The following MYO1D variants were observed in gnomAD, a reference collection of about 807,000 sequenced individuals.
MYO1D encodes the protein myosin ID, also known as unconventional myosin-Id.
MYO1D carries 83 observed loss-of-function variants against 122.0 expected under a neutral mutation model. That is an observed-to-expected ratio of 0.68 (90% CI 0.57 to 0.82). The LOEUF is 0.82. Among genes scored for constraint, MYO1D ranks in the 40% least tolerant of loss-of-function variants. The probability of loss-of-function intolerance (pLI) is 0.00; values close to 1 mark genes in which losing one functional copy is unlikely to be tolerated. For missense variants in MYO1D, 1,157 were observed against 1,269.5 expected (o/e 0.91, Z 1.35); for synonymous variants, 464 against 446.9 (o/e 1.04, Z -0.48).
At chr17:32,617,726 C>A (rs1053959603) in intron 20 of MYO1D, among the ~76,000 whole-genome samples, 6 of 152,202 alleles carry the variant, frequency 3.9e-5, no homozygotes, top group Non-Finnish European at 7.3e-5. Context: ...CAGGCATGAG[C>A]CACTGCTCGC....
At chr17:32,754,973 C>T (rs2089932671) in intron 11 of MYO1D, among the ~76,000 whole-genome samples, 1 of 152,158 alleles carries the variant, frequency 6.6e-6, no homozygotes, top group Admixed American at 6.5e-5. Flanking sequence ...AAAGGATACC[C>T]ATTTATTTAA....
chr17:32,697,811 AAAGC>A (rs1300355318), intron 16 of MYO1D, among the ~76,000 whole-genome samples: 1 of 152,250 alleles, frequency 6.6e-6, no homozygotes, highest in Non-Finnish European at 1.5e-5. Context: ...GCTATTTAAT[AAAGC>A]AATTTTGCAA....
chr17:32,661,669 AC>A (rs1394057400), intron 16 of MYO1D, among the ~76,000 whole-genome samples: 4 of 149,164 alleles, frequency 2.7e-5, no homozygotes, highest in South Asian at 2.1e-4. Context: ...AAAAAAAAAT[AC>A]CCCCCCAAAA....
At chr17:32,499,946 G>A (rs558657702) in intron 21 of MYO1D, among the ~76,000 whole-genome samples, 1 of 152,288 alleles carries the variant, frequency 6.6e-6, no homozygotes, top group Admixed American at 6.5e-5. Context: ...CTGAGTGACA[G>A]AGCAAGACCC....
intron 7 of MYO1D, among the ~76,000 whole-genome samples, chr17:32,765,524 TCTTGGCTCA>T (rs2151019480): frequency 6.6e-6 from 1 of 152,060 alleles, no homozygotes; most frequent in African/African-American, 2.4e-5. Flanking sequence ...AGTGGTGCGA[TCTTGGCTCA>T]CTGCAAGCTC....
At chr17:32,844,308 G>A (rs2090913619) in intron 1 of MYO1D, among the ~76,000 whole-genome samples, 1 of 144,402 alleles carries the variant, frequency 6.9e-6, no homozygotes, top group Admixed American at 7.0e-5. Flanking sequence ...ATTATAATAT[G>A]CATATGTATA....
intron 20 of MYO1D, among the ~76,000 whole-genome samples, chr17:32,631,856 C>A (rs953104132): frequency 6.6e-6 from 1 of 152,010 alleles, no homozygotes; most frequent in African/African-American, 2.4e-5. Context: ...AAAAATAAGG[C>A]CTTAGTGAAT....
At chr17:32,791,716 T>C (rs2090354005) in intron 1 of MYO1D, among the ~76,000 whole-genome samples, 1 of 152,126 alleles carries the variant, frequency 6.6e-6, no homozygotes, top group Non-Finnish European at 1.5e-5. Flanking sequence ...AAATTTGAAA[T>C]TATATCAAAA....
At chr17:32,757,904 T>C (rs2089965223) in intron 10 of MYO1D, among the ~76,000 whole-genome samples, 1 of 152,134 alleles carries the variant, frequency 6.6e-6, no homozygotes, top group Admixed American at 6.6e-5. Context: ...TGGCCTTTCA[T>C]ACCCACTCCA....
At chr17:32,739,958 G>C (rs1174632920) in intron 13 of MYO1D, among the ~76,000 whole-genome samples, 1 of 152,172 alleles carries the variant, frequency 6.6e-6, no homozygotes, top group East Asian at 1.9e-4. Context: ...TGTCAAAGTG[G>C]CTACAAAATG....
At chr17:32,581,551 CTT>C (rs886166309) in intron 21 of MYO1D, among the ~76,000 whole-genome samples, 1 of 150,826 alleles carries the variant, frequency 6.6e-6, no homozygotes, top group Admixed American at 6.6e-5. Flanking sequence ...CTCTCTCTCT[CTT>C]TCCCTCTCCA....
chr17:32,811,451 T>G (rs2090571138), intron 1 of MYO1D, among the ~76,000 whole-genome samples: 1 of 152,202 alleles, frequency 6.6e-6, no homozygotes, highest in South Asian at 2.1e-4. Flanking sequence ...ATCCTTGGTC[T>G]GAGTTGATTT....
intron 16 of MYO1D, among the ~76,000 whole-genome samples, chr17:32,660,441 G>A (rs926841645): frequency 6.6e-6 from 1 of 152,096 alleles, no homozygotes; most frequent in Non-Finnish European, 1.5e-5. Flanking sequence ...ATTCCTCTAA[G>A]CAAAACTTGC....
At chr17:32,505,944 C>T (rs1457599310) in intron 21 of MYO1D, among the ~76,000 whole-genome samples, 6 of 152,192 alleles carry the variant, frequency 3.9e-5, no homozygotes, top group East Asian at 1.9e-4. Flanking sequence ...ACAGGCTGGA[C>T]GAGGTCGCTC....
chr17:32,714,977 C>T (rs1316867042), intron 15 of MYO1D, among the ~76,000 whole-genome samples: 2 of 151,376 alleles, frequency 1.3e-5, no homozygotes, highest in Non-Finnish European at 2.9e-5. Context: ...AAAAAAAAAT[C>T]AAACAACCCC....
chr17:32,772,939 A>C, intron 4 of MYO1D, 97 bp from the exon 5 acceptor site: 1 of 905,048 alleles, frequency 1.1e-6, no homozygotes, highest in Non-Finnish European at 1.8e-6. Flanking sequence ...TCTGAGCCCA[A>C]GCCTGCACGT....
At chr17:32,792,969 G>A (rs1454388303) in intron 1 of MYO1D, among the ~76,000 whole-genome samples, 2 of 152,122 alleles carry the variant, frequency 1.3e-5, no homozygotes, top group Non-Finnish European at 2.9e-5. Flanking sequence ...GCCAGTTACT[G>A]ATTGTGTGCA....
chr17:32,613,118 G>C (rs544089783), intron 20 of MYO1D, among the ~76,000 whole-genome samples: 122 of 152,040 alleles, frequency 8.0e-4, no homozygotes, highest in Non-Finnish European at 1.4e-3. Flanking sequence ...TTGACTTAAA[G>C]AAAGATAAAA....
At chr17:32,677,576 GATAAATATAT>G (rs1223181189) in intron 16 of MYO1D, among the ~76,000 whole-genome samples, 3 of 98,940 alleles carry the variant, frequency 3.0e-5, no homozygotes, top group Non-Finnish European at 5.9e-5. Context: ...TATATAGATA[GATAAATATAT>G]ATATATATAT....
Sources: allele counts gnomAD v4.1 joint callset (sites outside exome capture counted in the v4.1 genomes callset), GRCh38; gene constraint gnomAD v4.1.1; transcripts MANE v1.5; gene names NCBI Gene and HGNC (gene_info 2026-07-23, HGNC 2026-07-21).